The following ADAM23 variants were observed in gnomAD, a reference collection of about 807,000 sequenced individuals.
ADAM23 encodes ADAM metallopeptidase domain 23, also known as disintegrin and metalloproteinase domain-containing protein 23.
Under a neutral mutation model 120.1 loss-of-function variants are expected in ADAM23, and 33 were observed. The observed-to-expected ratio is 0.27, with a 90% CI of 0.21 to 0.37. ADAM23 has a LOEUF of 0.37. Ranked by LOEUF, ADAM23 falls within the 10% of genes least tolerant of loss-of-function variation. ADAM23 has a pLI of 1.00. For missense variants in ADAM23, 862 were observed against 1,058.2 expected (o/e 0.81, Z 2.57); for synonymous variants, 367 against 375.2 (o/e 0.98, Z 0.25).
chr2:206,514,941 A>G (rs1362427718), intron 3 of ADAM23, among the ~76,000 whole-genome samples: 1 of 152,240 alleles, frequency 6.6e-6, no homozygotes, highest in Non-Finnish European at 1.5e-5. Flanking sequence ...ACTAGAGTAC[A>G]GTATAGTGTA....
intron 15 of ADAM23, 36 bp downstream of exon 15, chr2:206,567,358 T>C: frequency 6.4e-7 from 1 of 1,550,666 alleles, no homozygotes; most frequent in Non-Finnish European, 8.9e-7. Context: ...GAAAGTATAT[T>C]ATTTCTCCAG....
At chr2:206,487,502 A>G (rs938703522) in intron 3 of ADAM23, among the ~76,000 whole-genome samples, 3 of 152,210 alleles carry the variant, frequency 2.0e-5, no homozygotes, top group African/African-American at 7.2e-5. Context: ...CTCGCGAGAC[A>G]CTTGGTACTT....
intron 25 of ADAM23, among the ~76,000 whole-genome samples, chr2:206,611,682 C>T (rs1367134877): frequency 6.6e-6 from 1 of 152,172 alleles, no homozygotes; most frequent in Non-Finnish European, 1.5e-5. Flanking sequence ...TGCAGTGTTT[C>T]GAGAGAAGAG....
At position 206,478,733 on chromosome 2, in the gene ADAM23, G is replaced by C. The variant is rs1329624173; in HGVS notation, c.433-2499G>C. On this transcript the variant is annotated intron_variant, in intron 2 of 25. Transcript: ENST00000264377. The stretch of plus-strand genomic sequence containing the variant: ...TTCATCTGAAAACCATTTTCCTACA[G>C]GCCATATTCATTTTTTAAAAAATTT... Among the ~76,000 whole-genome samples the C allele has an allele frequency of 2.6e-5, 4 of 152,016 alleles. No homozygotes were observed. The East Asian group carries it at 7.7e-4, about 29-fold the overall frequency.
chr2:206,606,177 T>C (rs1698725779), intron 24 of ADAM23, among the ~76,000 whole-genome samples: 1 of 152,248 alleles, frequency 6.6e-6, no homozygotes, highest in Non-Finnish European at 1.5e-5. Flanking sequence ...AATTTTAAAA[T>C]ACAGACTTTT....
At chr2:206,593,419 AACTTTT>A (rs1331597541) in intron 22 of ADAM23, among the ~76,000 whole-genome samples, 7 of 152,224 alleles carry the variant, frequency 4.6e-5, no homozygotes, top group Admixed American at 6.5e-5. Context: ...AGCGTCTGCA[AACTTTT>A]ACTTTTAGTA....
intron 3 of ADAM23, among the ~76,000 whole-genome samples, chr2:206,499,715 T>G (rs1696348140): frequency 6.6e-6 from 1 of 152,172 alleles, no homozygotes; most frequent in African/African-American, 2.4e-5. Context: ...TTAACTCTGT[T>G]GCTGTGAAAT....
At chr2:206,528,639 C>T (rs374111201) in intron 3 of ADAM23, among the ~76,000 whole-genome samples, 46 of 152,280 alleles carry the variant, frequency 3.0e-4, no homozygotes, top group African/African-American at 1.1e-3. Flanking sequence ...TCAGATGCAG[C>T]TCTCAAAATG....
chr2:206,480,189 G>A (rs1020724294), intron 2 of ADAM23, among the ~76,000 whole-genome samples: 4 of 152,104 alleles, frequency 2.6e-5, no homozygotes, highest in Non-Finnish European at 4.4e-5. Flanking sequence ...GAAAAGCATT[G>A]CAGGTGGGAC....
chr2:206,548,518 A>G (rs1574526962), intron 8 of ADAM23, among the ~76,000 whole-genome samples, 164 bp downstream of exon 8: 2 of 152,258 alleles, frequency 1.3e-5, no homozygotes, highest in East Asian at 1.9e-4. Context: ...GCCTTAACAC[A>G]CTGCTTTTTA....
At chr2:206,534,557 A>T (rs1002786524) in intron 4 of ADAM23, among the ~76,000 whole-genome samples, 3 of 152,046 alleles carry the variant, frequency 2.0e-5, no homozygotes, top group Non-Finnish European at 4.4e-5. Flanking sequence ...TTGTTGACCA[A>T]CTTTGCTGAT....
intron 2 of ADAM23, among the ~76,000 whole-genome samples, chr2:206,462,665 C>G (rs1052764885): frequency 1.3e-5 from 2 of 152,076 alleles, no homozygotes; most frequent in Non-Finnish European, 2.9e-5. Flanking sequence ...AACCCAAGTA[C>G]CCCCATTTAA....
At chr2:206,511,046 C>T (rs761985031) in intron 3 of ADAM23, among the ~76,000 whole-genome samples, 4 of 152,168 alleles carry the variant, frequency 2.6e-5, no homozygotes, top group Middle Eastern at 3.4e-3. Context: ...CAAGATGTAT[C>T]TTTTATCTTT....
chr2:206,488,095 G>T (rs1314951698), intron 3 of ADAM23, among the ~76,000 whole-genome samples: 1 of 152,214 alleles, frequency 6.6e-6, no homozygotes, highest in African/African-American at 2.4e-5. Context: ...CTGTGTTTTG[G>T]AAAGAAGCAG....
At chr2:206,537,453 G>A (rs538145870) in intron 4 of ADAM23, among the ~76,000 whole-genome samples, 698 of 152,228 alleles carry the variant, frequency 4.6e-3, no homozygotes, top group Middle Eastern at 0.02. Context: ...GCAGAAGTCA[G>A]TCAGAGTCTG....
intron 3 of ADAM23, among the ~76,000 whole-genome samples, chr2:206,512,587 G>T (rs1191724491): frequency 6.6e-6 from 1 of 152,128 alleles, no homozygotes; most frequent in Non-Finnish European, 1.5e-5. Flanking sequence ...TAGAATTATT[G>T]GATGTTCTAA....
intron 17 of ADAM23, among the ~76,000 whole-genome samples, chr2:206,572,414 T>TAA (rs1361557397): frequency 2.0e-5 from 3 of 152,200 alleles, no homozygotes; most frequent in Non-Finnish European, 4.4e-5. Context: ...CTCATATATA[T>TAA]AACCTCTAAT....
chr2:206,568,745 A>G (rs1460696148), intron 15 of ADAM23, among the ~76,000 whole-genome samples: 2 of 152,240 alleles, frequency 1.3e-5, no homozygotes, highest in East Asian at 1.9e-4. Flanking sequence ...TGAGTCAAAT[A>G]TAGCTCATTG....
rs568138268 is a variant in ADAM23 at position 206,492,382 on chromosome 2, A to G, written c.509+11074A>G. Reference sequence around the variant, plus strand: ...GGCTTTGAGAGGTGAACAGAACCACACAGCTAGTAAGTAACAGCCAAGAAC... The same window carrying G: ...GGCTTTGAGAGGTGAACAGAACCACGCAGCTAGTAAGTAACAGCCAAGAAC... On this transcript the variant is annotated intron_variant, in intron 3 of 25. Transcript: ENST00000264377. 6.6e-5 allele frequency among the ~76,000 whole-genome samples: 10 copies of G among 152,330 alleles called. No homozygotes were observed. The South Asian group carries it at 2.1e-3, about 32-fold the overall frequency.
Sources: allele counts gnomAD v4.1 joint callset (sites outside exome capture counted in the v4.1 genomes callset), GRCh38; gene constraint gnomAD v4.1.1; transcripts MANE v1.5; gene names NCBI Gene and HGNC (gene_info 2026-07-23, HGNC 2026-07-21).